DISP3: variants seen among roughly 807,000 people sequenced by gnomAD.
The protein encoded by DISP3 is dispatched RND transporter family member 3, also known as protein dispatched homolog 3.
In DISP3, 101 loss-of-function variants were observed where a neutral mutation model predicts 135.3. That is an observed-to-expected ratio of 0.75 (90% confidence interval 0.64 to 0.88). DISP3 has a LOEUF of 0.88. DISP3 is among the 40% of genes least tolerant of loss of function. The pLI, the probability that DISP3 is intolerant of heterozygous loss-of-function variation, is 0.00. For missense variants in DISP3, 1,713 were observed against 1,878.6 expected, an observed-to-expected ratio of 0.91 and a Z score of 1.63; for synonymous variants, 856 against 817.0, an observed-to-expected ratio of 1.05 and a Z score of -0.81.
At position 11,535,056 on chromosome 1, in the gene DISP3, G is replaced by A; in HGVS notation, c.3581G>A (p.Cys1194Tyr). The A allele has an allele frequency of 6.2e-7, 1 of 1,606,124 alleles. No individual in the cohort carries two copies. The highest frequency in any genetic ancestry group is 8.5e-7 in the Non-Finnish European group (1 of 1,177,728). The change falls in exon 19 of 21, where the codon TGC becomes TAC. Residue 1194 changes from cysteine (C) to tyrosine (Y), a missense_variant. Coordinates refer to ENST00000294484, the MANE Select transcript of DISP3 (RefSeq NM_020780.2). ...GGCCTGGTGCTATCCCTGCTCATCT[G>A]CGTGGCCGCGGTGGCCGTGTTCACC... ...LCGLVLSLLI[C>Y]VAAVAVFTTH... is the part of the protein sequence containing the mutation.
Position 11,525,259 on chromosome 1 carries a change from C to A in DISP3, c.2560C>A (p.Pro854Thr). ...VYRLSLNASL[P>T]APWQAVSPGD... The stretch of plus-strand genomic sequence containing the variant: ...CAGGCTCTCCCTCAATGCCAGCCTG[C>A]CTGCTCCTTGGCAGGCTGTGTCGCC... Residue 854 changes from proline (P) to threonine (T), a missense_variant, in exon 12 of 21, where the codon CCT becomes ACT. Around this residue, in one of 2 missense-constraint regions of DISP3, gnomAD observed 1,142 missense variants for 1,384.6 expected, o/e 0.82. Coordinates refer to ENST00000294484, the MANE Select transcript of DISP3 (RefSeq NM_020780.2). The A allele has an allele frequency of 6.2e-7, 1 of 1,614,058 alleles. No individual in the cohort carries two copies. The highest frequency in any genetic ancestry group is 8.5e-7 in the Non-Finnish European group (1 of 1,179,962).
At chr1:11,524,591 C>T (rs1391673947) in intron 11 of DISP3, among the ~76,000 whole-genome samples, 11 of 150,790 alleles carry the variant, frequency 7.3e-5, no homozygotes, top group Admixed American at 7.3e-4. Context: ...ACTACCACCT[C>T]CCCCACCATC....
intron 13 of DISP3, among the ~76,000 whole-genome samples, chr1:11,527,295 G>A (rs979874015): frequency 3.3e-5 from 5 of 150,254 alleles, no homozygotes; most frequent in Non-Finnish European, 7.4e-5. Flanking sequence ...GCTCATGCCT[G>A]TAATCCCACC....
chr1:11,490,417 G>C (rs562727978), intron 1 of DISP3, among the ~76,000 whole-genome samples: 1 of 152,090 alleles, frequency 6.6e-6, no homozygotes, highest in Non-Finnish European at 1.5e-5. Flanking sequence ...ACAGGCACCC[G>C]CCACCATGCC....
intron 1 of DISP3, among the ~76,000 whole-genome samples, chr1:11,492,824 A>G (rs1641227286): frequency 6.6e-6 from 1 of 152,166 alleles, no homozygotes; most frequent in Admixed American, 6.5e-5. Context: ...AAGTGTGGAA[A>G]GTCACTCAGC....
chr1:11,496,135 G>A (rs1190871057), intron 1 of DISP3, among the ~76,000 whole-genome samples: 2 of 151,782 alleles, frequency 1.3e-5, no homozygotes, highest in African/African-American at 4.8e-5. Flanking sequence ...TTATAAAGCT[G>A]GGATTTGACT....
At chr1:11,522,727 G>GGCCCAGCGAGA (rs1642259456) in intron 10 of DISP3, among the ~76,000 whole-genome samples, 1 of 32,586 alleles carries the variant, frequency 3.1e-5, no homozygotes, top group African/African-American at 1.4e-4. Context: ...GCCCAGCCAG[G>GGCCCAGCGAGA]GCCCAGCCAG....
At chr1:11,485,201 C>T (rs1570050694) in intron 1 of DISP3, among the ~76,000 whole-genome samples, 1 of 152,158 alleles carries the variant, frequency 6.6e-6, no homozygotes, top group Non-Finnish European at 1.5e-5. Context: ...AGGGACCCAG[C>T]TGTCCCCTGG....
intron 11 of DISP3, among the ~76,000 whole-genome samples, chr1:11,524,971 C>T (rs1426538219): frequency 6.6e-6 from 1 of 150,586 alleles, no homozygotes; most frequent in Non-Finnish European, 1.5e-5. Context: ...ACCATCCCTG[C>T]CACCCCATCC....
Position 11,501,546 on chromosome 1 carries a change from C to G in DISP3, c.554C>G (p.Pro185Arg), listed in dbSNP as rs760741784. Residue 185 changes from proline to arginine, a missense_variant, in exon 2 of 21, where the codon CCT (proline) becomes CGT (arginine). Physicochemically the swap from Pro to Arg is moderately radical, Grantham distance 103 (BLOSUM62 -2). This residue lies in a region of DISP3 where 571 missense variants were observed against 494.1 expected (regional missense o/e 1.16). Transcript: ENST00000294484. This position sits in a 1 kb window ranked among gnomAD's most constrained non-coding sequence, Gnocchi z 4.9. ...IPAASLGGPG[P>R]YRDTSAAQKP... ...GCGGCCTCACTCGGTGGCCCAGGCC[C>G]TTACCGGGACACTTCCGCGGCTCAA... The G allele has an allele frequency of 3.1e-6, 5 of 1,590,984 alleles. No homozygotes were observed. In the African/African-American group the frequency reaches 4.0e-5, roughly 13 times the overall value.
At chr1:11,480,464 G>A (rs1400887417) in intron 1 of DISP3, among the ~76,000 whole-genome samples, 3 of 152,186 alleles carry the variant, frequency 2.0e-5, no homozygotes, top group South Asian at 2.1e-4. Context: ...CGGTTCACAC[G>A]CACGTGGGCG....
intron 1 of DISP3, among the ~76,000 whole-genome samples, chr1:11,496,225 T>A (rs12074988): frequency 0.033 from 5,080 of 152,160 alleles, 251 homozygotes; most frequent in African/African-American, 0.11. Flanking sequence ...CTAGGGCCTG[T>A]TCTCTTTTAA....
In DISP3 at chr1:11,519,569, G is replaced by GT; in HGVS notation, c.2038+67dup. On this transcript the variant is annotated intron_variant, in intron 8 of 20. Transcript: ENST00000294484. This position sits in a 1 kb window ranked among gnomAD's most constrained non-coding sequence, Gnocchi z 4.3. Reference sequence around the variant, plus strand: ...ACCCAGCGCTGCCTCTGCCAGGGGAGTAACACTTGACAAGTTGGTCCTGAG... The same window carrying GT: ...ACCCAGCGCTGCCTCTGCCAGGGGAGTTAACACTTGACAAGTTGGTCCTGAG... The GT allele has an allele frequency of 6.3e-7, 1 of 1,590,676 alleles. No homozygotes were observed. Among genetic ancestry groups the GT allele is most frequent in the Non-Finnish European group, 8.6e-7 (1 of 1,166,594 alleles).
chr1:11,510,015 C>T (rs1296787388), intron 3 of DISP3, among the ~76,000 whole-genome samples: 2 of 152,184 alleles, frequency 1.3e-5, no homozygotes, highest in East Asian at 1.9e-4. Flanking sequence ...AGGAGAATGG[C>T]GTGAACCCGG....
At chr1:11,482,914 T>A (rs965752772) in intron 1 of DISP3, among the ~76,000 whole-genome samples, 8 of 152,332 alleles carry the variant, frequency 5.3e-5, no homozygotes, top group Non-Finnish European at 1.2e-4. Flanking sequence ...CCTTCCAAGC[T>A]AGATTCCAAA....
At chr1:11,522,956 A>AGGACCCAGCCAGAGCCCAGCCT in intron 10 of DISP3, among the ~76,000 whole-genome samples, 1 of 139,404 alleles carries the variant, frequency 7.2e-6, no homozygotes, top group African/African-American at 3.0e-5. Flanking sequence ...GAGCCCAACC[A>AGGACCCAGCCAGAGCCCAGCCT]GGACCCAGCC....
rs140690379 is a variant in DISP3, at chr1:11,537,063, T to C, written c.*377T>C. 59 of 202,388 alleles carry C rather than the reference T, an allele frequency of 2.9e-4. No individual in the cohort carries two copies. The East Asian group carries it at 6.2e-3, about 21-fold the overall frequency. 12.5% of individuals were successfully genotyped at this position (202,388 alleles called of 1,614,324 possible). A position where few individuals can be genotyped will look rare whatever the true frequency, so the allele number is the denominator to read the frequency against. On this transcript the variant is annotated 3_prime_UTR_variant, in exon 21 of 21. Transcript: ENST00000294484. ...GGATGTTACAGGGTGGCCCCCATTC[T>C]ACCGATGTGAAAACTGAGGCGCCAG...
At chr1:11,513,769 T>C (rs1212359953) in intron 3 of DISP3, among the ~76,000 whole-genome samples, 1 of 152,224 alleles carries the variant, frequency 6.6e-6, no homozygotes, top group Non-Finnish European at 1.5e-5. Flanking sequence ...AGGATAAGCA[T>C]AGGACTCATT....
Position 11,519,771 on chromosome 1 carries a change from G to C in DISP3, c.2091G>C (p.Leu697=). Residue 697 remains leucine (L), a synonymous_variant, in exon 9 of 21, where the codon CTG becomes CTC. Coordinates refer to ENST00000294484, the MANE Select transcript of DISP3 (RefSeq NM_020780.2). The surrounding 1 kb of genome is among the most constrained non-coding windows in gnomAD (Gnocchi z 4.3). Reference sequence around the variant, plus strand: ...TGGTGTCTGTGTCCCCCGAGGGTCTGCAGCCAGCCTCCAACACGGGCAGCC... The same window carrying C: ...TGGTGTCTGTGTCCCCCGAGGGTCTCCAGCCAGCCTCCAACACGGGCAGCC... ...VSLVSVSPEG[L]QPASNTGSRG... 5 of 1,613,108 alleles carry C rather than the reference G, an allele frequency of 3.1e-6. No individual in the cohort carries two copies. The highest frequency in any genetic ancestry group is 4.2e-6 in the Non-Finnish European group (5 of 1,180,014).
Sources: gnomAD v4.1 joint callset for allele counts (sites outside exome capture counted in the v4.1 genomes callset) on GRCh38, gnomAD v4.1.1 for gene constraint, gnomAD v4.1.1 regional missense constraint, Gnocchi (gnomAD v3.1) non-coding constraint, MANE v1.5 for transcripts, NCBI Gene and HGNC (gene_info 2026-07-23, HGNC 2026-07-21) for gene names.